Variants in PTPRD observed in about 807,000 individuals in gnomAD.
The protein encoded by PTPRD is receptor-type tyrosine-protein phosphatase delta.
In PTPRD, 34 loss-of-function variants were observed where a neutral mutation model predicts 214.5. The observed-to-expected ratio is 0.16, with a 90% CI of 0.12 to 0.21. The LOEUF (loss-of-function observed/expected upper bound fraction) is 0.21, where lower values mean the gene tolerates loss of function less well. Among genes scored for constraint, PTPRD ranks in the 10% least tolerant of loss-of-function variants. The pLI is 1.00. For missense variants in PTPRD, 2,545 were observed against 2,398.7 expected (o/e 1.06, Z -1.27); for synonymous variants, 1,128 against 845.7 (o/e 1.33, Z -5.79).
intron 9 of PTPRD, among the ~76,000 whole-genome samples, chr9:9,320,342 C>A (rs2135957777): frequency 6.6e-6 from 1 of 152,034 alleles, no homozygotes; most frequent in East Asian, 1.9e-4. Context: ...TATTTAAAAG[C>A]TATGTTTGGT....
intron 5 of PTPRD, among the ~76,000 whole-genome samples, chr9:9,825,340 CAAAG>C (rs1343767516): frequency 2.1e-5 from 3 of 143,622 alleles, no homozygotes; most frequent in African/African-American, 5.1e-5. Flanking sequence ...GAGAAAGAGA[CAAAG>C]AAAGAGACAA....
intron 8 of PTPRD, among the ~76,000 whole-genome samples, chr9:9,445,906 A>C (rs1166580650): frequency 6.6e-6 from 1 of 152,308 alleles, no homozygotes; most frequent in South Asian, 2.1e-4. Flanking sequence ...TCAAATGTGT[A>C]AGAAATGGTT....
chr9:10,060,941 TTTC>T (rs1387836340), intron 3 of PTPRD, among the ~76,000 whole-genome samples: 1 of 142,274 alleles, frequency 7.0e-6, no homozygotes, highest in Non-Finnish European at 1.5e-5. Flanking sequence ...TCTTTCTTTC[TTTC>T]TTTCTTTCTC....
chr9:8,893,419 G>T (rs538974272), intron 11 of PTPRD, among the ~76,000 whole-genome samples: 3 of 152,160 alleles, frequency 2.0e-5, no homozygotes, highest in Non-Finnish European at 4.4e-5. Flanking sequence ...GAAACAGAAA[G>T]CGAAGTGACC....
intron 8 of PTPRD, among the ~76,000 whole-genome samples, chr9:9,412,221 T>G (rs1158032462): frequency 6.6e-6 from 1 of 152,228 alleles, no homozygotes; most frequent in African/African-American, 2.4e-5. Flanking sequence ...ACTTTTATAT[T>G]TTAATAATTA....
At chr9:9,265,614 T>C (rs1476201991) in intron 9 of PTPRD, among the ~76,000 whole-genome samples, 4 of 151,484 alleles carry the variant, frequency 2.6e-5, no homozygotes, top group African/African-American at 9.7e-5. Context: ...TGTAGAATTT[T>C]TGAATGCAAG....
chr9:8,547,560 T>C (rs1173227930), intron 14 of PTPRD, among the ~76,000 whole-genome samples: 1 of 151,396 alleles, frequency 6.6e-6, no homozygotes, highest in Non-Finnish European at 1.5e-5. Context: ...AGAAAATTGC[T>C]TGGGCCCAGG....
intron 9 of PTPRD, among the ~76,000 whole-genome samples, chr9:9,219,459 C>G (rs559822287): frequency 6.6e-6 from 1 of 151,684 alleles, no homozygotes; most frequent in Non-Finnish European, 1.5e-5. Context: ...ATACCAAAGA[C>G]ATGTCCTTAA....
At chr9:9,044,301 T>G (rs1487031257) in intron 10 of PTPRD, among the ~76,000 whole-genome samples, 2 of 152,206 alleles carry the variant, frequency 1.3e-5, no homozygotes, top group Non-Finnish European at 2.9e-5. Flanking sequence ...CTTTGTTTGT[T>G]TCAAAAAAGA....
At chr9:8,352,907 T>C (rs1173394248) in intron 39 of PTPRD, among the ~76,000 whole-genome samples, 5 of 152,034 alleles carry the variant, frequency 3.3e-5, no homozygotes, top group Non-Finnish European at 7.4e-5. Flanking sequence ...AGTTAAGAGA[T>C]TGAGACCATC....
chr9:10,304,492 T>C (rs575710755), intron 3 of PTPRD, among the ~76,000 whole-genome samples: 12 of 152,272 alleles, frequency 7.9e-5, no homozygotes, highest in African/African-American at 2.9e-4. Context: ...GCAGATGACA[T>C]GATTGTATAT....
chr9:9,698,359 A>C (rs1476047289), intron 7 of PTPRD, among the ~76,000 whole-genome samples: 2 of 152,170 alleles, frequency 1.3e-5, no homozygotes, highest in Non-Finnish European at 2.9e-5. Context: ...CCTTTTTAGC[A>C]CTAAAGAGTG....
intron 3 of PTPRD, among the ~76,000 whole-genome samples, chr9:10,133,066 GAT>G (rs770510985): frequency 2.6e-5 from 4 of 152,168 alleles, no homozygotes; most frequent in Non-Finnish European, 5.9e-5. Context: ...AGTCCATGTA[GAT>G]ATAGAGGCAA....
At chr9:9,052,711 T>C (rs1227485210) in intron 10 of PTPRD, among the ~76,000 whole-genome samples, 1 of 152,230 alleles carries the variant, frequency 6.6e-6, no homozygotes, top group Non-Finnish European at 1.5e-5. Context: ...TGGATTATAC[T>C]GTCCACATAA....
intron 8 of PTPRD, among the ~76,000 whole-genome samples, chr9:9,486,559 T>C (rs1037224536): frequency 6.6e-6 from 1 of 152,152 alleles, no homozygotes; most frequent in Non-Finnish European, 1.5e-5. Context: ...TTTTCTTTTC[T>C]TTTTTGTTCT....
intron 4 of PTPRD, among the ~76,000 whole-genome samples, chr9:9,953,352 G>A (rs1356568144): frequency 6.6e-6 from 1 of 151,992 alleles, no homozygotes; most frequent in Admixed American, 6.6e-5. Context: ...TACATACTGG[G>A]TACAGTGTAC....
chr9:9,200,249 C>T (rs1484840410), intron 9 of PTPRD, among the ~76,000 whole-genome samples: 2 of 152,198 alleles, frequency 1.3e-5, no homozygotes, highest in African/African-American at 2.4e-5. Context: ...TCCTGATATC[C>T]TACAATGAGA....
At chr9:9,451,700 C>A (rs922009716) in intron 8 of PTPRD, among the ~76,000 whole-genome samples, 1 of 151,326 alleles carries the variant, frequency 6.6e-6, no homozygotes, top group Admixed American at 6.6e-5. Flanking sequence ...TTCAAAAAAA[C>A]CCTTAAAATA....
At chr9:9,866,958 C>G (rs1231013300) in intron 5 of PTPRD, among the ~76,000 whole-genome samples, 1 of 151,984 alleles carries the variant, frequency 6.6e-6, no homozygotes, top group Non-Finnish European at 1.5e-5. Flanking sequence ...CTAATTTGTT[C>G]TTTCATATTT....
Sources: allele counts gnomAD v4.1 joint callset (sites outside exome capture counted in the v4.1 genomes callset), GRCh38; gene constraint gnomAD v4.1.1; transcripts MANE v1.5; gene names NCBI Gene and HGNC (gene_info 2026-07-23, HGNC 2026-07-21).